The following RASGRF2 variants were observed in gnomAD, a reference collection of about 807,000 sequenced individuals.
RASGRF2 encodes ras-specific guanine nucleotide-releasing factor 2.
Under a neutral mutation model 151.0 loss-of-function variants are expected in RASGRF2, and 76 were observed. The ratio of observed to expected loss-of-function variants is 0.50; its 90% CI spans 0.42 to 0.61. The LOEUF is 0.61. Ranked by LOEUF, RASGRF2 falls within the 20% of genes least tolerant of loss-of-function variation. The pLI, the probability that RASGRF2 is intolerant of heterozygous loss-of-function variation, is 0.00. For missense variants in RASGRF2, 1,148 were observed against 1,564.6 expected (o/e 0.73, Z 4.49); for synonymous variants, 504 against 566.5 (o/e 0.89, Z 1.57).
chr5:80,985,496 A>G (rs1748446899), intron 1 of RASGRF2, among the ~76,000 whole-genome samples: 1 of 152,238 alleles, frequency 6.6e-6, no homozygotes, highest in African/African-American at 2.4e-5. Context: ...TTATTGTCAC[A>G]TAATGAAGGA....
At chr5:81,055,848 T>C (rs1407782507) in intron 2 of RASGRF2, among the ~76,000 whole-genome samples, 2 of 152,156 alleles carry the variant, frequency 1.3e-5, no homozygotes, top group Non-Finnish European at 2.9e-5. Flanking sequence ...TTCTTCCTGG[T>C]TTAGTCTTGG....
At chr5:81,126,992 CA>C (rs747359512) in intron 16 of RASGRF2, 81 bp from the exon 17 acceptor site, 110 of 1,458,812 alleles carry the variant, frequency 7.5e-5, no homozygotes, top group Non-Finnish European at 9.6e-5. Context: ...TCATCTGGTG[CA>C]GGAAGAAAAA....
At chr5:81,156,345 G>T (rs536212074) in intron 17 of RASGRF2, among the ~76,000 whole-genome samples, 1 of 152,124 alleles carries the variant, frequency 6.6e-6, no homozygotes, top group African/African-American at 2.4e-5. Context: ...AACATTTTTT[G>T]ATTCATTTTA....
Position 80,994,209 on chromosome 5 carries a change from CA to C in RASGRF2, c.288+33190del, listed in dbSNP as rs1428492412. 1.1e-4 allele frequency among the ~76,000 whole-genome samples: 17 copies of C among 151,618 alleles called. No homozygotes were observed. In the South Asian group the frequency reaches 1.3e-3, roughly 11 times the overall value. On this transcript the variant is annotated intron_variant, in intron 1 of 26. Coordinates refer to ENST00000265080, the MANE Select transcript of RASGRF2 (RefSeq NM_006909.3). ...TGAAACCCCGTCTCTAATAAAAATACAAAAAAATTAGCCAGGCGTGGTGGTA... is the reference window on the plus strand; with the variant it reads ...TGAAACCCCGTCTCTAATAAAAATACAAAAAATTAGCCAGGCGTGGTGGTA...
intron 12 of RASGRF2, among the ~76,000 whole-genome samples, chr5:81,101,636 GTC>G (rs538013298): frequency 6.6e-6 from 1 of 150,960 alleles, no homozygotes; most frequent in Non-Finnish European, 1.5e-5. Context: ...CTTTCTCTCT[GTC>G]TCTCTCTCTC....
At chr5:81,084,826 A>G (rs1752183438) in intron 7 of RASGRF2, among the ~76,000 whole-genome samples, 1 of 152,224 alleles carries the variant, frequency 6.6e-6, no homozygotes, top group African/African-American at 2.4e-5. Context: ...CCCGCAGACG[A>G]GAGCTCCCAG....
intron 1 of RASGRF2, among the ~76,000 whole-genome samples, chr5:80,975,450 T>C (rs1748082934): frequency 6.6e-6 from 1 of 152,164 alleles, no homozygotes; most frequent in Non-Finnish European, 1.5e-5. Context: ...TTTAAAAGCA[T>C]ATGAAACTCT....
intron 12 of RASGRF2, among the ~76,000 whole-genome samples, chr5:81,102,880 C>T (rs937456158): frequency 3.9e-5 from 6 of 152,138 alleles, no homozygotes; most frequent in Admixed American, 3.9e-4. Context: ...ATCTGGGGCT[C>T]GTGACATGTG....
In RASGRF2 at chr5:81,094,993, G is replaced by A; in HGVS notation, c.1755+1G>A. On this transcript the variant is annotated splice_donor_variant, in intron 12 of 26. Transcript: ENST00000265080. LOFTEE classifies it high-confidence loss of function. Reference sequence around the variant, plus strand: ...TGCCTGGATGAGTGACATCAGTCAGGTAAGAAAGTGGCTTTTGCCAAATTT... The same window carrying A: ...TGCCTGGATGAGTGACATCAGTCAGATAAGAAAGTGGCTTTTGCCAAATTT... 3 of 1,442,260 alleles carry A rather than the reference G, an allele frequency of 2.1e-6. No homozygotes were observed. Among genetic ancestry groups the A allele is most frequent in the Non-Finnish European group, 2.7e-6 (3 of 1,094,512 alleles). The allele number at this position is 1,442,260 out of a possible 1,614,324, so 89.3% of individuals were successfully genotyped here.
chr5:81,210,958 C>A (rs2112732220), intron 22 of RASGRF2, among the ~76,000 whole-genome samples: 1 of 152,174 alleles, frequency 6.6e-6, no homozygotes. Flanking sequence ...CCAGCCTGGG[C>A]AACATAGTGA....
chr5:81,159,952 AC>A (rs1371865507), intron 17 of RASGRF2, among the ~76,000 whole-genome samples: 1 of 152,076 alleles, frequency 6.6e-6, no homozygotes, highest in Non-Finnish European at 1.5e-5. Context: ...CTCTTTTTGA[AC>A]CCTCTCCCAG....
intron 9 of RASGRF2, among the ~76,000 whole-genome samples, chr5:81,091,973 T>G (rs537101837): frequency 2.6e-5 from 4 of 152,212 alleles, no homozygotes; most frequent in African/African-American, 9.6e-5. Context: ...ATCAAGAGGT[T>G]GGCAAGAATC....
intron 1 of RASGRF2, among the ~76,000 whole-genome samples, chr5:81,021,990 A>C (rs1331971555): frequency 6.6e-6 from 1 of 152,158 alleles, no homozygotes. Flanking sequence ...GGGTCTTCAG[A>C]CCGGTTGGTG....
intron 21 of RASGRF2, among the ~76,000 whole-genome samples, chr5:81,207,765 G>T (rs1337447096): frequency 6.6e-6 from 1 of 152,196 alleles, no homozygotes; most frequent in Admixed American, 6.5e-5. Flanking sequence ...CCGCTGAACT[G>T]CCTGGTCAGG....
At chr5:80,963,700 T>C (rs1480417863) in intron 1 of RASGRF2, among the ~76,000 whole-genome samples, 1 of 152,228 alleles carries the variant, frequency 6.6e-6, no homozygotes, top group Admixed American at 6.5e-5. Flanking sequence ...ATAAATTAGT[T>C]AGGTCAGCAG....
intron 1 of RASGRF2, among the ~76,000 whole-genome samples, chr5:80,995,399 T>TATATATATATATATATATAC (rs1165966102): frequency 2.7e-4 from 32 of 119,782 alleles, no homozygotes; most frequent in African/African-American, 1.0e-3. Flanking sequence ...TATATATATA[T>TATATATATATATATATATAC]ACACACACAC....
intron 16 of RASGRF2, among the ~76,000 whole-genome samples, chr5:81,125,243 G>T (rs574997063): frequency 1.3e-5 from 2 of 152,250 alleles, no homozygotes; most frequent in South Asian, 4.2e-4. Flanking sequence ...TTTAGCAAAA[G>T]GTAAAGTATA....
chr5:81,034,342 C>T (rs543510135), intron 1 of RASGRF2, among the ~76,000 whole-genome samples: 1 of 152,298 alleles, frequency 6.6e-6, no homozygotes, highest in African/African-American at 2.4e-5. Context: ...CACTTTTACA[C>T]TGTTGGTGGG....
intron 2 of RASGRF2, among the ~76,000 whole-genome samples, chr5:81,045,332 G>A (rs967986142): frequency 1.3e-5 from 2 of 152,190 alleles, no homozygotes; most frequent in Admixed American, 6.5e-5. Flanking sequence ...TAGTTGTCAA[G>A]CAAATATCTT....
Sources: allele counts gnomAD v4.1 joint callset (sites outside exome capture counted in the v4.1 genomes callset), GRCh38; gene constraint gnomAD v4.1.1; transcripts MANE v1.5; gene names NCBI Gene and HGNC (gene_info 2026-07-23, HGNC 2026-07-21).